CDK15: variants seen among roughly 807,000 people sequenced by gnomAD.
CDK15 encodes the protein cyclin-dependent kinase 15.
Under a neutral mutation model 60.3 loss-of-function variants are expected in CDK15, and 62 were observed. That is an observed-to-expected ratio of 1.03 (90% CI 0.84 to 1.27). The LOEUF (loss-of-function observed/expected upper bound fraction) is 1.27, where lower values mean the gene tolerates loss of function less well. Among genes scored for constraint, CDK15 ranks in the 50% most tolerant of loss-of-function variants. CDK15 has a pLI of 0.00. For synonymous variants in CDK15, 194 were observed against 195.7 expected (o/e 0.99, Z 0.07); for missense variants, 541 against 527.8 (o/e 1.03, Z -0.25).
intron 9 of CDK15, among the ~76,000 whole-genome samples, chr2:201,851,285 T>G (rs1490729953): frequency 1.1e-4 from 11 of 103,402 alleles, no homozygotes; most frequent in African/African-American, 4.2e-4. Context: ...GAGTGAGACT[T>G]CATCTCAAAA....
At chr2:201,884,688 T>C (rs983993062) in intron 12 of CDK15, among the ~76,000 whole-genome samples, 2 of 152,234 alleles carry the variant, frequency 1.3e-5, no homozygotes, top group African/African-American at 4.8e-5. Context: ...TCATTTTGTT[T>C]TATTGTTCTC....
At position 201,884,243 on chromosome 2, in the gene CDK15, A is replaced by G. The variant is rs536476056; in HGVS notation, c.1198+4076A>G. 2.0e-5 allele frequency among the ~76,000 whole-genome samples: 3 copies of G among 152,246 alleles called. No individual in the cohort carries two copies. In the East Asian group the frequency reaches 5.8e-4, roughly 29 times the overall value. On this transcript the variant is annotated intron_variant, in intron 12 of 13. Coordinates refer to ENST00000652192, the MANE Select transcript of CDK15 (RefSeq NM_001366386.2). ...ATTTTGCTTGCTAGCCAAGTCTCAT[A>G]CTTGAGTCTCCCATTCCTTCCTGGA...
chr2:201,851,939 G>A (rs543162079), intron 9 of CDK15, among the ~76,000 whole-genome samples: 32 of 152,166 alleles, frequency 2.1e-4, no homozygotes, highest in African/African-American at 2.7e-4. Context: ...GATTACAGGC[G>A]TGAGCCACCG....
At chr2:201,855,142 G>A (rs1698091011) in intron 10 of CDK15, among the ~76,000 whole-genome samples, 1 of 152,176 alleles carries the variant, frequency 6.6e-6, no homozygotes, top group Non-Finnish European at 1.5e-5. Flanking sequence ...CCCCAGCTCT[G>A]TAAAACACAA....
At chr2:201,841,620 A>G (rs1697386607) in intron 8 of CDK15, among the ~76,000 whole-genome samples, 1 of 152,242 alleles carries the variant, frequency 6.6e-6, no homozygotes, top group Admixed American at 6.5e-5. Flanking sequence ...CATAGGGTCC[A>G]AAGTGAATGC....
intron 12 of CDK15, chr2:201,889,374 TA>T: frequency 1.0e-6 from 1 of 982,606 alleles, no homozygotes. Context: ...TGCCTCTTGC[TA>T]TTTTTCTCAG....
intron 9 of CDK15, 77 bp downstream of exon 9, chr2:201,847,551 T>A: frequency 1.6e-6 from 2 of 1,223,434 alleles, no homozygotes; most frequent in South Asian, 2.5e-5. Context: ...TACAGACAAA[T>A]GAAGCAGTCC....
intron 10 of CDK15, among the ~76,000 whole-genome samples, chr2:201,863,340 T>C (rs1476423554): frequency 3.9e-5 from 6 of 152,084 alleles, no homozygotes; most frequent in Non-Finnish European, 7.4e-5. Context: ...AAAAAGTATT[T>C]TTTCTAAAGT....
chr2:201,834,239 A>G (rs1451413477), intron 7 of CDK15, among the ~76,000 whole-genome samples: 1 of 152,192 alleles, frequency 6.6e-6, no homozygotes, highest in Non-Finnish European at 1.5e-5. Context: ...ATATAGAGAC[A>G]TTGGTAGAGT....
intron 3 of CDK15, among the ~76,000 whole-genome samples, chr2:201,808,288 G>A (rs1020348885): frequency 1.3e-5 from 2 of 152,134 alleles, no homozygotes; most frequent in South Asian, 2.1e-4. Context: ...TTGGTAAAGC[G>A]TCTCTAACAG....
chr2:201,816,307 T>A lies in CDK15; in HGVS notation c.448+3745T>A, dbSNP rs551574318. 4.6e-5 allele frequency among the ~76,000 whole-genome samples: 7 copies of A among 152,260 alleles called. No homozygotes were observed. In the South Asian group the frequency reaches 1.5e-3, roughly 32 times the overall value. ...GGAGTCCCTGGTGTAGTGTCTATTA[T>A]TCCCATCTTATGTCTGTGTGTTCCC... is the stretch of plus-strand genomic sequence containing the variant. On this transcript the variant is annotated intron_variant, in intron 4 of 13. Coordinates refer to ENST00000652192, the MANE Select transcript of CDK15 (RefSeq NM_001366386.2).
intron 10 of CDK15, among the ~76,000 whole-genome samples, chr2:201,860,118 C>A (rs1274505731): frequency 1.3e-5 from 2 of 152,192 alleles, no homozygotes; most frequent in African/African-American, 4.8e-5. Context: ...GCTCTGTTTG[C>A]TTCCTTAAAC....
At chr2:201,887,966 A>G (rs1415334780) in intron 12 of CDK15, among the ~76,000 whole-genome samples, 1 of 151,742 alleles carries the variant, frequency 6.6e-6, no homozygotes, top group Non-Finnish European at 1.5e-5. Context: ...GATGTGGGAG[A>G]GTAGTGCAAA....
intron 8 of CDK15, among the ~76,000 whole-genome samples, chr2:201,839,115 T>A (rs115197211): frequency 0.015 from 2,349 of 152,332 alleles, 31 homozygotes; most frequent in African/African-American, 0.031. Context: ...TCATTCAATA[T>A]GTTACATGTT....
chr2:201,887,999 C>T (rs1699517608), intron 12 of CDK15, among the ~76,000 whole-genome samples: 1 of 148,754 alleles, frequency 6.7e-6, no homozygotes. Context: ...CGGAAGATTA[C>T]AAGACATTTT....
At position 201,808,294 on chromosome 2, in the gene CDK15, A is replaced by G. The variant is rs35407403; in HGVS notation, c.368+342A>G. 2.2e-3 allele frequency among the ~76,000 whole-genome samples: 330 copies of G among 152,288 alleles called. 3 individuals are homozygous for G. The highest frequency in any genetic ancestry group is 7.7e-3 in the African/African-American group (319 of 41,554). ...GAGGCACAGTTGGTAAAGCGTCTCT[A>G]ACAGGTTTTTTATATCCCTCCCTAA... On this transcript the variant is annotated intron_variant, in intron 3 of 13. Coordinates refer to ENST00000652192, the MANE Select transcript of CDK15 (RefSeq NM_001366386.2).
intron 8 of CDK15, among the ~76,000 whole-genome samples, chr2:201,845,814 T>C (rs1323831578): frequency 2.0e-5 from 3 of 149,318 alleles, no homozygotes; most frequent in African/African-American, 2.5e-5. Context: ...TTATGTGGTA[T>C]AGTGAAAGAG....
At chr2:201,834,406 A>G (rs1365389176) in intron 7 of CDK15, among the ~76,000 whole-genome samples, 1 of 152,168 alleles carries the variant, frequency 6.6e-6, no homozygotes, top group Non-Finnish European at 1.5e-5. Flanking sequence ...CTGCTCTCCT[A>G]CCTTCTTTAT....
chr2:201,807,963 C>A lies in CDK15; in HGVS notation c.368+11C>A, dbSNP rs1553520085. 3 of 1,607,280 alleles carry A rather than the reference C, an allele frequency of 1.9e-6. No individual in the cohort carries two copies. The highest frequency in any genetic ancestry group is 4.5e-5 in the East Asian group (2 of 44,850). On this transcript the variant is annotated intron_variant, in intron 3 of 13. Coordinates refer to ENST00000652192, the MANE Select transcript of CDK15 (RefSeq NM_001366386.2). Reference sequence around the variant, plus strand: ...CAAGGGGATTAGCAGGTGAGTGACACATAGCTGGGAGAGACTTTAGAGATG... The same window carrying A: ...CAAGGGGATTAGCAGGTGAGTGACAAATAGCTGGGAGAGACTTTAGAGATG...
Sources: gnomAD v4.1 joint callset for allele counts (sites outside exome capture counted in the v4.1 genomes callset) on GRCh38, gnomAD v4.1.1 for gene constraint, MANE v1.5 for transcripts, NCBI Gene and HGNC (gene_info 2026-07-23, HGNC 2026-07-21) for gene names.